The following NR3C2 variants were observed in gnomAD, a reference collection of about 807,000 sequenced individuals.
NR3C2 encodes nuclear receptor subfamily 3 group C member 2.
Under a neutral mutation model 86.4 loss-of-function variants are expected in NR3C2, and 15 were observed. The observed-to-expected ratio is 0.17, with a 90% CI of 0.12 to 0.27. The LOEUF is 0.27. NR3C2 is among the 10% of genes least tolerant of loss of function. NR3C2 has a pLI of 1.00. For missense variants in NR3C2, 960 were observed against 1,195.6 expected, an observed-to-expected ratio of 0.80 and a Z score of 2.91; for synonymous variants, 458 against 450.5, an observed-to-expected ratio of 1.02 and a Z score of -0.21.
At chr4:148,401,429 G>A (rs1748154963) in intron 2 of NR3C2, among the ~76,000 whole-genome samples, 1 of 151,196 alleles carries the variant, frequency 6.6e-6, no homozygotes, top group South Asian at 2.1e-4. Flanking sequence ...ATGCAAGCAG[G>A]AGCTTACTAA....
At chr4:148,427,314 T>G (rs544217175) in intron 2 of NR3C2, among the ~76,000 whole-genome samples, 3 of 152,206 alleles carry the variant, frequency 2.0e-5, no homozygotes, top group African/African-American at 7.2e-5. Context: ...TTTGCCGATT[T>G]TCCACATACT....
intron 2 of NR3C2, among the ~76,000 whole-genome samples, chr4:148,358,663 C>T (rs999110513): frequency 2.6e-5 from 4 of 151,986 alleles, no homozygotes; most frequent in South Asian, 2.1e-4. Context: ...GCCATATCTC[C>T]GTTCTTTTTT....
chr4:148,094,067 T>TC (rs1355241377), intron 8 of NR3C2, among the ~76,000 whole-genome samples: 3 of 152,134 alleles, frequency 2.0e-5, no homozygotes, highest in Non-Finnish European at 4.4e-5. Flanking sequence ...CACAAATGTA[T>TC]CTTTACAAGA....
chr4:148,187,041 T>A (rs1735956477), intron 4 of NR3C2, among the ~76,000 whole-genome samples: 3 of 132,606 alleles, frequency 2.3e-5, no homozygotes, highest in African/African-American at 8.1e-5. Flanking sequence ...TATATATATA[T>A]ATAAAGAAAC....
intron 4 of NR3C2, among the ~76,000 whole-genome samples, chr4:148,164,915 CTAGT>C (rs1421987915): frequency 6.6e-6 from 1 of 152,244 alleles, no homozygotes; most frequent in East Asian, 1.9e-4. Flanking sequence ...CTGAAAATAA[CTAGT>C]TAAACGCTGG....
intron 2 of NR3C2, among the ~76,000 whole-genome samples, chr4:148,379,443 C>T (rs1443472873): frequency 5.3e-5 from 8 of 152,170 alleles, no homozygotes; most frequent in Non-Finnish European, 1.2e-4. Flanking sequence ...AGCTCACCCT[C>T]CCTTCCCAGA....
At chr4:148,167,717 C>T (rs1225275661) in intron 4 of NR3C2, among the ~76,000 whole-genome samples, 5 of 152,222 alleles carry the variant, frequency 3.3e-5, no homozygotes, top group Non-Finnish European at 4.4e-5. Flanking sequence ...TGCTGACCCT[C>T]TATACCAGGT....
chr4:148,220,750 T>G (rs933020878), intron 3 of NR3C2, among the ~76,000 whole-genome samples: 3 of 152,186 alleles, frequency 2.0e-5, no homozygotes, highest in Non-Finnish European at 2.9e-5. Flanking sequence ...AAGCCATGAT[T>G]GTGCCACTGC....
chr4:148,197,943 G>T (rs1039593374), intron 3 of NR3C2, among the ~76,000 whole-genome samples: 7 of 151,986 alleles, frequency 4.6e-5, no homozygotes, highest in Non-Finnish European at 1.0e-4. Flanking sequence ...CCGTGTACTC[G>T]AGTTCAGTGT....
In NR3C2 at chr4:148,363,506, C is replaced by CTTTTTTTTTTTTTTTTTTTTT; in HGVS notation, c.1757+71597_1757+71598insAAAAAAAAAAAAAAAAAAAAA. ...TAAAGTCTAGACTTCTCATAGATCT[C>CTTTTTTTTTTTTTTTTTTTTT]TTTTTTTTTTTTTTTGAGACGGAGT... is the stretch of plus-strand genomic sequence containing the variant. On this transcript the variant is annotated intron_variant, in intron 2 of 8. Transcript: ENST00000358102. 3.5e-4 allele frequency among the ~76,000 whole-genome samples: 39 copies of CTTTTTTTTTTTTTTTTTTTTT among 110,756 alleles called. 3 individuals are homozygous for CTTTTTTTTTTTTTTTTTTTTT. Among genetic ancestry groups the CTTTTTTTTTTTTTTTTTTTTT allele is most frequent in the African/African-American group, 1.2e-3 (34 of 28,856 alleles). 72.7% of individuals were successfully genotyped at this position (110,756 alleles called of 152,430 possible).
At chr4:148,330,076 A>T (rs533225780) in intron 2 of NR3C2, among the ~76,000 whole-genome samples, 7 of 152,356 alleles carry the variant, frequency 4.6e-5, no homozygotes, top group South Asian at 2.1e-4. Flanking sequence ...TGAAAATTCA[A>T]CTGGGGGTTT....
chr4:148,212,260 T>A (rs910618664), intron 3 of NR3C2, among the ~76,000 whole-genome samples: 1 of 152,272 alleles, frequency 6.6e-6, no homozygotes, highest in African/African-American at 2.4e-5. Flanking sequence ...TGCTTTCTTC[T>A]CTATGTGAAG....
intron 2 of NR3C2, among the ~76,000 whole-genome samples, chr4:148,402,668 C>A (rs756928114): frequency 1.2e-4 from 19 of 152,274 alleles, no homozygotes; most frequent in Non-Finnish European, 1.2e-4. Flanking sequence ...ACTTCAATAT[C>A]TTCATTTCAA....
chr4:148,095,685 G>A (rs949955063), intron 8 of NR3C2, among the ~76,000 whole-genome samples: 8 of 152,236 alleles, frequency 5.3e-5, no homozygotes, highest in Non-Finnish European at 1.0e-4. Context: ...AGTGACAGAG[G>A]CAGGGTTGTC....
chr4:148,174,041 C>T (rs1735257308), intron 4 of NR3C2, among the ~76,000 whole-genome samples: 1 of 152,138 alleles, frequency 6.6e-6, no homozygotes, highest in Admixed American at 6.5e-5. Flanking sequence ...GCTTTATGTT[C>T]AGTCATAGAA....
At chr4:148,127,338 A>G (rs1469966547) in intron 6 of NR3C2, among the ~76,000 whole-genome samples, 3 of 152,234 alleles carry the variant, frequency 2.0e-5, no homozygotes, top group Admixed American at 2.0e-4. Flanking sequence ...ATTTTGCAAT[A>G]TCGCTTTACA....
At chr4:148,320,608 A>G (rs1743512701) in intron 2 of NR3C2, among the ~76,000 whole-genome samples, 1 of 149,116 alleles carries the variant, frequency 6.7e-6, no homozygotes, top group South Asian at 2.2e-4. Context: ...GTCTTGGGAG[A>G]GTGTATGTGT....
At chr4:148,234,728 T>C (rs1738659374) in intron 3 of NR3C2, among the ~76,000 whole-genome samples, 1 of 151,612 alleles carries the variant, frequency 6.6e-6, no homozygotes, top group Non-Finnish European at 1.5e-5. Context: ...TATAGGTAAT[T>C]CTGCTGAAGG....
chr4:148,125,100 T>C (rs1732682364), intron 6 of NR3C2, among the ~76,000 whole-genome samples: 1 of 152,250 alleles, frequency 6.6e-6, no homozygotes, highest in African/African-American at 2.4e-5. Context: ...GGGTTCTGGC[T>C]TGTGGATGGG....
Sources: gnomAD v4.1 joint callset for allele counts (sites outside exome capture counted in the v4.1 genomes callset) on GRCh38, gnomAD v4.1.1 for gene constraint, MANE v1.5 for transcripts, NCBI Gene and HGNC (gene_info 2026-07-23, HGNC 2026-07-21) for gene names.